The following ARHGAP8 variants were observed in gnomAD, a reference collection of about 807,000 sequenced individuals.
ARHGAP8 encodes the protein Rho GTPase activating protein 8, also known as rho GTPase-activating protein 8.
A neutral mutation model predicts 46.1 loss-of-function variants in ARHGAP8; 62 were observed. The observed-to-expected ratio is 1.34, with a 90% CI of 1.10 to 1.66. The LOEUF (loss-of-function observed/expected upper bound fraction) is 1.66. Among genes scored for constraint, ARHGAP8 ranks in the 40% most tolerant of loss-of-function variants. The pLI is 0.00. For missense variants in ARHGAP8, 923 were observed against 568.4 expected, an observed-to-expected ratio of 1.62 and a Z score of -6.34; for synonymous variants, 375 against 243.1, an observed-to-expected ratio of 1.54 and a Z score of -5.05.
In ARHGAP8 at chr22:44,855,226, TTTTTTTAAGACAGGGTCTCC is replaced by T. The variant is rs1258565855; in HGVS notation, c.878-4502_878-4483del. On this transcript the variant is annotated intron_variant, in intron 10 of 11. Coordinates refer to ENST00000356099, the MANE Select transcript of ARHGAP8 (RefSeq NM_181335.3). Reference sequence around the variant, plus strand: ...TAGATCTGCAAAGAAAAAAAGAATTTTTTTTTAAGACAGGGTCTCCTTCTCCTTGACCTCTGGGCTCAAGC... The same window carrying T: ...TAGATCTGCAAAGAAAAAAAGAATTTTTCTCCTTGACCTCTGGGCTCAAGC... Among the ~76,000 whole-genome samples the T allele has an allele frequency of 3.9e-5, 6 of 152,108 alleles. No homozygotes were observed. In the East Asian group the frequency reaches 1.2e-3, roughly 29 times the overall value.
chr22:44,764,236 G>A (rs372035309), intron 1 of ARHGAP8, among the ~76,000 whole-genome samples: 23 of 152,280 alleles, frequency 1.5e-4, no homozygotes, highest in African/African-American at 4.8e-4. Flanking sequence ...TTCTGTTGAG[G>A]CCCACATTTG....
chr22:44,859,662 T>C (rs760923871), intron 10 of ARHGAP8, 69 bp from the exon 11 acceptor site: 20 of 1,559,958 alleles, frequency 1.3e-5, no homozygotes, highest in Middle Eastern at 1.7e-4. Context: ...CCTGTTCTCC[T>C]CCCGGGCCGG....
chr22:44,846,904 C>T (rs1438896205), intron 8 of ARHGAP8, among the ~76,000 whole-genome samples: 1 of 152,042 alleles, frequency 6.6e-6, no homozygotes, highest in Non-Finnish European at 1.5e-5. Flanking sequence ...GGGGGCTTCC[C>T]TGAGGGAGGG....
At chr22:44,769,820 A>G (rs570098109) in intron 1 of ARHGAP8, among the ~76,000 whole-genome samples, 1 of 152,260 alleles carries the variant, frequency 6.6e-6, no homozygotes, top group Non-Finnish European at 1.5e-5. Flanking sequence ...AGGCCAGCCC[A>G]CACAGGAGAA....
At chr22:44,792,885 GCA>G (rs1927809062) in intron 2 of ARHGAP8, among the ~76,000 whole-genome samples, 1 of 151,442 alleles carries the variant, frequency 6.6e-6, no homozygotes, top group Non-Finnish European at 1.5e-5. Context: ...GTGCAGTGGC[GCA>G]ATCTCGGCTC....
rs184747085 is a variant in ARHGAP8, at chr22:44,800,055, T to C, written c.80-2022T>C. Among the ~76,000 whole-genome samples the C allele has an allele frequency of 1.6e-3, 137 of 83,264 alleles. 1 individual carries two copies. Among genetic ancestry groups the C allele is most frequent in the African/African-American group, 4.7e-3 (69 of 14,688 alleles). 54.6% of individuals were successfully genotyped at this position (83,264 alleles called of 152,430 possible). ...AGGCACGGAGGATGGTCTGCAGGCATGGAGGATGGTCTGCAGGGCCCTCTC... is the reference window on the plus strand; with the variant it reads ...AGGCACGGAGGATGGTCTGCAGGCACGGAGGATGGTCTGCAGGGCCCTCTC... On this transcript the variant is annotated intron_variant, in intron 2 of 11. Transcript: ENST00000356099.
At chr22:44,768,474 T>C (rs1036261232) in intron 1 of ARHGAP8, among the ~76,000 whole-genome samples, 3 of 151,370 alleles carry the variant, frequency 2.0e-5, no homozygotes, top group African/African-American at 7.3e-5. Context: ...TAATTTTTTT[T>C]TTTTTTTATC....
intron 2 of ARHGAP8, among the ~76,000 whole-genome samples, chr22:44,799,990 G>A (rs538677688): frequency 2.9e-3 from 300 of 102,816 alleles, no homozygotes; most frequent in Admixed American, 4.9e-3. Context: ...GTGGGGCAAG[G>A]TGGGGTTGGG....
At chr22:44,787,734 A>G (rs1269637122) in intron 2 of ARHGAP8, among the ~76,000 whole-genome samples, 9 of 152,106 alleles carry the variant, frequency 5.9e-5, no homozygotes, top group Non-Finnish European at 1.5e-5. Context: ...ACTGAGCTCC[A>G]TAATCATTAG....
intron 7 of ARHGAP8, among the ~76,000 whole-genome samples, chr22:44,843,399 G>T (rs376186003): frequency 1.1e-4 from 17 of 152,268 alleles, no homozygotes; most frequent in African/African-American, 3.9e-4. Context: ...GCTGAAAATG[G>T]CAAATATGTG....
intron 10 of ARHGAP8, among the ~76,000 whole-genome samples, chr22:44,859,329 C>T (rs1044412413): frequency 6.6e-6 from 1 of 151,720 alleles, no homozygotes; most frequent in Non-Finnish European, 1.5e-5. Context: ...CTTACCAGAT[C>T]TGGTTTAAAA....
At chr22:44,806,848 C>T (rs1928957883) in intron 3 of ARHGAP8, among the ~76,000 whole-genome samples, 1 of 151,724 alleles carries the variant, frequency 6.6e-6, no homozygotes, top group Non-Finnish European at 1.5e-5. Context: ...CCTGTAGTCC[C>T]AGCTACTCAG....
chr22:44,852,499 A>G (rs1430219751), intron 10 of ARHGAP8, among the ~76,000 whole-genome samples: 1 of 152,138 alleles, frequency 6.6e-6, no homozygotes, highest in African/African-American at 2.4e-5. Flanking sequence ...CCCAGGCTCC[A>G]TATTTGGGAC....
At chr22:44,763,896 C>T (rs1925345750) in intron 1 of ARHGAP8, among the ~76,000 whole-genome samples, 1 of 151,232 alleles carries the variant, frequency 6.6e-6, no homozygotes, top group Admixed American at 6.6e-5. Flanking sequence ...CTGCAAGCTC[C>T]ACCTCCTGGG....
chr22:44,834,590 G>A (rs1366698417), intron 7 of ARHGAP8, among the ~76,000 whole-genome samples: 3 of 152,118 alleles, frequency 2.0e-5, no homozygotes, highest in Non-Finnish European at 4.4e-5. Flanking sequence ...TTATTGTTGG[G>A]TGGAGTGCTC....
At chr22:44,794,346 T>G (rs1174425946) in intron 2 of ARHGAP8, among the ~76,000 whole-genome samples, 1 of 152,166 alleles carries the variant, frequency 6.6e-6, no homozygotes, top group South Asian at 2.1e-4. Context: ...AGCCAGGGAT[T>G]GGGCAGAGGA....
In ARHGAP8 at chr22:44,814,657, C is replaced by G. The variant is rs372697344; in HGVS notation, c.300-15C>G. On this transcript the variant is annotated splice_polypyrimidine_tract_variant and intron_variant, in intron 4 of 11. Coordinates refer to ENST00000356099, the MANE Select transcript of ARHGAP8 (RefSeq NM_181335.3). Reference sequence around the variant, plus strand: ...AGCGCGGCAGCCTGAAGTCATCCCCCGTTTCCCTCCTCAGGTACAAGAAGA... The same window carrying G: ...AGCGCGGCAGCCTGAAGTCATCCCCGGTTTCCCTCCTCAGGTACAAGAAGA... The G allele has an allele frequency of 1.1e-5, 17 of 1,611,524 alleles. No homozygotes were observed. The highest frequency in any genetic ancestry group is 1.7e-4 in the Middle Eastern group (1 of 6,030).
At chr22:44,758,494 G>A (rs773573099) in intron 1 of ARHGAP8, among the ~76,000 whole-genome samples, 13 of 152,162 alleles carry the variant, frequency 8.5e-5, no homozygotes, top group Admixed American at 8.5e-4. Context: ...AATTTCCCAG[G>A]CAGCCGGTGA....
intron 6 of ARHGAP8, among the ~76,000 whole-genome samples, chr22:44,824,089 G>A (rs549307999): frequency 8.5e-5 from 13 of 152,140 alleles, no homozygotes; most frequent in Non-Finnish European, 1.3e-4. Flanking sequence ...ATACTTCCTG[G>A]TGGGTGCTGC....
Sources: allele counts gnomAD v4.1 joint callset (sites outside exome capture counted in the v4.1 genomes callset), GRCh38; gene constraint gnomAD v4.1.1; transcripts MANE v1.5; gene names NCBI Gene and HGNC (gene_info 2026-07-23, HGNC 2026-07-21).